SLC24A2: variants seen among roughly 807,000 people sequenced by gnomAD.
SLC24A2 encodes the protein solute carrier family 24 member 2.
In SLC24A2, 36 loss-of-function variants were observed where a neutral mutation model predicts 62.0. The ratio of observed to expected loss-of-function variants is 0.58; its 90% CI spans 0.44 to 0.77. The LOEUF is 0.77. Ranked by LOEUF, SLC24A2 falls within the 30% of genes least tolerant of loss-of-function variation. SLC24A2 has a pLI of 0.00. For synonymous variants in SLC24A2, 358 were observed against 294.0 expected (o/e 1.22, Z -2.23); for missense variants, 846 against 817.9 (o/e 1.03, Z -0.42).
chr9:19,772,921 CA>C (rs1471280920), intron 2 of SLC24A2, among the ~76,000 whole-genome samples: 2 of 152,132 alleles, frequency 1.3e-5, no homozygotes, highest in African/African-American at 4.8e-5. Context: ...TCCTAATACC[CA>C]AAATGTGAAA....
At chr9:19,592,806 A>C (rs1364763637) in intron 5 of SLC24A2, among the ~76,000 whole-genome samples, 1 of 152,218 alleles carries the variant, frequency 6.6e-6, no homozygotes, top group Non-Finnish European at 1.5e-5. Context: ...GAAATAAGCT[A>C]TGCATTATTA....
At chr9:19,773,434 C>T (rs368435960) in intron 2 of SLC24A2, among the ~76,000 whole-genome samples, 2 of 152,184 alleles carry the variant, frequency 1.3e-5, no homozygotes, top group East Asian at 1.9e-4. Context: ...ATTGAAATGC[C>T]TTACCTACCC....
At chr9:19,603,083 T>A (rs555242664) in intron 4 of SLC24A2, among the ~76,000 whole-genome samples, 2 of 152,156 alleles carry the variant, frequency 1.3e-5, no homozygotes, top group African/African-American at 4.8e-5. Context: ...AAACCATCCA[T>A]GCAACAGTTG....
chr9:19,817,133 CTG>C, the SLC24A2 span, among the ~76,000 whole-genome samples: 1 of 152,064 alleles, frequency 6.6e-6, no homozygotes, highest in Admixed American at 6.6e-5. Context: ...CTGGAAGACA[CTG>C]TGAGTTCTCG....
chr9:19,608,557 G>T (rs1563995471), intron 4 of SLC24A2, among the ~76,000 whole-genome samples: 1 of 152,052 alleles, frequency 6.6e-6, no homozygotes, highest in Non-Finnish European at 1.5e-5. Context: ...TTGGGAGCTG[G>T]GTGACTATGA....
At chr9:19,898,599 G>C in the SLC24A2 span, among the ~76,000 whole-genome samples, 1 of 151,994 alleles carries the variant, frequency 6.6e-6, no homozygotes, top group Non-Finnish European at 1.5e-5. Context: ...AAAATTAGCT[G>C]GGCGTGGTGG....
chr9:20,238,883 G>A, the SLC24A2 span, among the ~76,000 whole-genome samples: 1 of 152,132 alleles, frequency 6.6e-6, no homozygotes, highest in African/African-American at 2.4e-5. Flanking sequence ...ATAAGAAGAG[G>A]AAAAGAGAGA....
the SLC24A2 span, among the ~76,000 whole-genome samples, chr9:19,891,262 A>T: frequency 6.6e-6 from 1 of 152,206 alleles, no homozygotes. Flanking sequence ...ATTTTAGAGC[A>T]TAGGTCAGAG....
chr9:19,707,044 A>G (rs1449582062), intron 2 of SLC24A2, among the ~76,000 whole-genome samples: 1 of 152,024 alleles, frequency 6.6e-6, no homozygotes, highest in Non-Finnish European at 1.5e-5. Flanking sequence ...GAAGAATCAA[A>G]TAGACGCAAT....
chr9:19,643,478 C>A (rs1042359795), intron 2 of SLC24A2, among the ~76,000 whole-genome samples: 3 of 152,048 alleles, frequency 2.0e-5, no homozygotes, highest in Admixed American at 2.0e-4. Context: ...GAGCATAGAT[C>A]CTTTGGGGTA....
chr9:20,116,015 C>T, the SLC24A2 span, among the ~76,000 whole-genome samples: 2 of 152,088 alleles, frequency 1.3e-5, no homozygotes, highest in African/African-American at 4.8e-5. Context: ...CACAATTCTG[C>T]CATTGTCCAT....
the SLC24A2 span, among the ~76,000 whole-genome samples, chr9:19,863,077 G>A: frequency 6.6e-6 from 1 of 151,880 alleles, no homozygotes; most frequent in Non-Finnish European, 1.5e-5. Flanking sequence ...GCCATTGGAA[G>A]CCAAAAAAGA....
the SLC24A2 span, among the ~76,000 whole-genome samples, chr9:20,162,007 A>G: frequency 6.6e-6 from 1 of 151,902 alleles, no homozygotes; most frequent in Admixed American, 6.6e-5. Context: ...ATGCAGATGG[A>G]TAACAGTATA....
chr9:19,904,835 T>C, the SLC24A2 span, among the ~76,000 whole-genome samples: 2 of 152,180 alleles, frequency 1.3e-5, no homozygotes, highest in African/African-American at 4.8e-5. Flanking sequence ...TTTTTGCTTT[T>C]TTCTGCCCTG....
At chr9:20,243,198 G>GCA in the SLC24A2 span, among the ~76,000 whole-genome samples, 6 of 151,888 alleles carry the variant, frequency 4.0e-5, no homozygotes, top group South Asian at 8.3e-4. Flanking sequence ...CTTTCTTTTT[G>GCA]CACAATTTTT....
At chr9:20,248,941 C>G in the SLC24A2 span, among the ~76,000 whole-genome samples, 4 of 152,188 alleles carry the variant, frequency 2.6e-5, no homozygotes, top group African/African-American at 9.7e-5. Flanking sequence ...CTCCCTTTCT[C>G]CCCCTGGAAG....
the SLC24A2 span, among the ~76,000 whole-genome samples, chr9:19,934,431 C>T: frequency 5.6e-4 from 85 of 152,228 alleles, no homozygotes; most frequent in African/African-American, 1.9e-3. This position sits in a 1 kb window ranked among gnomAD's most constrained non-coding sequence, Gnocchi z 4.1. Flanking sequence ...CGGACCCCCG[C>T]GCACCCCCGG....
the SLC24A2 span, among the ~76,000 whole-genome samples, chr9:20,292,327 G>A: frequency 8.5e-5 from 13 of 152,182 alleles, no homozygotes; most frequent in East Asian, 1.9e-4. Context: ...TAATAGTCTC[G>A]TTTTAAGTAT....
At chr9:19,655,368 C>T (rs1467575010) in intron 2 of SLC24A2, among the ~76,000 whole-genome samples, 2 of 152,158 alleles carry the variant, frequency 1.3e-5, no homozygotes, top group African/African-American at 4.8e-5. Context: ...ATTCTAAAGA[C>T]GTAGACGTTG....
Sources: gnomAD v4.1 joint callset for allele counts (sites outside exome capture counted in the v4.1 genomes callset) on GRCh38, gnomAD v4.1.1 for gene constraint, Gnocchi (gnomAD v3.1) non-coding constraint, MANE v1.5 for transcripts, NCBI Gene and HGNC (gene_info 2026-07-23, HGNC 2026-07-21) for gene names.